CHCHD6: variants seen among roughly 807,000 people sequenced by gnomAD.
CHCHD6 encodes coiled-coil-helix-coiled-coil-helix domain containing 6, also known as MICOS complex subunit MIC25.
Under a neutral mutation model 32.3 loss-of-function variants are expected in CHCHD6, and 28 were observed. That is an observed-to-expected ratio of 0.87 (90% CI 0.64 to 1.19). CHCHD6 has a LOEUF of 1.19. CHCHD6 is among the 50% of genes most tolerant of loss of function. The pLI is 0.00. For synonymous variants in CHCHD6, 122 were observed against 117.5 expected (o/e 1.04, Z -0.25); for missense variants, 333 against 307.0 (o/e 1.08, Z -0.63).
chr3:126,881,184 C>T (rs1259247868), intron 5 of CHCHD6, among the ~76,000 whole-genome samples: 6 of 152,244 alleles, frequency 3.9e-5, no homozygotes, highest in Non-Finnish European at 5.9e-5. Flanking sequence ...CAACTGTCCT[C>T]GTAGGCCTCC....
chr3:126,915,582 T>A (rs985335802), intron 6 of CHCHD6, among the ~76,000 whole-genome samples: 1 of 152,182 alleles, frequency 6.6e-6, no homozygotes, highest in African/African-American at 2.4e-5. Context: ...CAAGAGTGAA[T>A]TGGGACAATT....
intron 4 of CHCHD6, among the ~76,000 whole-genome samples, chr3:126,833,164 C>G (rs996941833): frequency 3.3e-5 from 5 of 152,224 alleles, no homozygotes; most frequent in East Asian, 3.9e-4. Flanking sequence ...CATGCTCATA[C>G]ATATGTCTCT....
At chr3:126,818,986 A>C (rs1024317365) in intron 4 of CHCHD6, among the ~76,000 whole-genome samples, 1 of 152,196 alleles carries the variant, frequency 6.6e-6, no homozygotes, top group African/African-American at 2.4e-5. Flanking sequence ...GTCAGCTTGA[A>C]GCTGCCAGAA....
intron 4 of CHCHD6, among the ~76,000 whole-genome samples, chr3:126,781,795 T>G (rs1576408742): frequency 6.6e-6 from 1 of 152,360 alleles, no homozygotes; most frequent in East Asian, 1.9e-4. Context: ...CTCTCTCAAC[T>G]TCATTTTCCC....
At chr3:126,815,554 A>T (rs1396679837) in intron 4 of CHCHD6, among the ~76,000 whole-genome samples, 1 of 151,098 alleles carries the variant, frequency 6.6e-6, no homozygotes, top group African/African-American at 2.4e-5. Flanking sequence ...TATTCTCTCA[A>T]CCTTGCGTTT....
chr3:126,767,270 C>G, intron 4 of CHCHD6: 1 of 1,330,188 alleles, frequency 7.5e-7, no homozygotes, highest in South Asian at 1.2e-5. Context: ...TGTCAGGTTG[C>G]CAAGGCCCAG....
Position 126,764,681 on chromosome 3 carries a change from T to C in CHCHD6, c.411+31459T>C, listed in dbSNP as rs73201774. Among the ~76,000 whole-genome samples the C allele has an allele frequency of 8.2e-3, 1,242 of 152,210 alleles. 10 individuals carry two copies. The highest frequency in any genetic ancestry group is 0.017 in the Middle Eastern group (5 of 292). ...GGTGCTGCGTCCTCAACCCTCTGGGTGACCACAACTCAAAGGAGAGACGTC... is the reference window on the plus strand; with the variant it reads ...GGTGCTGCGTCCTCAACCCTCTGGGCGACCACAACTCAAAGGAGAGACGTC... On this transcript the variant is annotated intron_variant, in intron 4 of 7. Transcript: ENST00000290913.
At chr3:126,937,127 C>T (rs991772565) in intron 6 of CHCHD6, among the ~76,000 whole-genome samples, 1 of 152,216 alleles carries the variant, frequency 6.6e-6, no homozygotes. Context: ...ACAAGGAAGC[C>T]ATAAGTGAAA....
chr3:126,799,447 G>T (rs1380184649), intron 4 of CHCHD6, among the ~76,000 whole-genome samples: 4 of 152,184 alleles, frequency 2.6e-5, no homozygotes, highest in Admixed American at 2.6e-4. Context: ...TAGTGGTCTA[G>T]TCATTTATTT....
chr3:126,899,351 A>G (rs2077887705), intron 5 of CHCHD6, among the ~76,000 whole-genome samples: 2 of 152,242 alleles, frequency 1.3e-5, no homozygotes, highest in African/African-American at 4.8e-5. Context: ...CAAATTTTCC[A>G]AAGCTTGAAT....
At chr3:126,855,885 G>A (rs144632414) in intron 5 of CHCHD6, among the ~76,000 whole-genome samples, 1 of 152,334 alleles carries the variant, frequency 6.6e-6, no homozygotes, top group African/African-American at 2.4e-5. Context: ...TCCAGTGGCA[G>A]TGGGATGGAC....
At chr3:126,788,901 T>C (rs1938374594) in intron 4 of CHCHD6, among the ~76,000 whole-genome samples, 1 of 152,192 alleles carries the variant, frequency 6.6e-6, no homozygotes, top group Non-Finnish European at 1.5e-5. Flanking sequence ...CTAGTTCTTT[T>C]AATTGTGATG....
chr3:126,960,362 T>A lies in CHCHD6; in HGVS notation c.*161T>A. The A allele has an allele frequency of 1.3e-6, 1 of 771,806 alleles. No individual in the cohort carries two copies. The highest frequency in any genetic ancestry group is 2.1e-6 in the Non-Finnish European group (1 of 467,148). The allele number at this position is 771,806 out of a possible 1,614,324, so 47.8% of individuals were successfully genotyped here. A position where few individuals can be genotyped will look rare whatever the true frequency, so the allele number is the denominator to read the frequency against. ...GTTTAGGAAACAAAGTATGCGCTAC[T>A]GTCTGAAAACAAATAAAGCAGATGC... On this transcript the variant is annotated 3_prime_UTR_variant, in exon 8 of 8. Transcript: ENST00000290913.
rs543072020 is a variant in CHCHD6 at position 126,835,340 on chromosome 3, G to A, written c.412-17307G>A. On this transcript the variant is annotated intron_variant, in intron 4 of 7. Transcript: ENST00000290913. ...CTGCCTGACGTCGTTACGGGCTGAG[G>A]GTGTGACAGTGGCCAGGCAGCTTGT... 1.1e-4 allele frequency among the ~76,000 whole-genome samples: 17 copies of A among 152,308 alleles called. No individual in the cohort carries two copies. The South Asian group carries it at 3.3e-3, about 30-fold the overall frequency.
intron 4 of CHCHD6, among the ~76,000 whole-genome samples, chr3:126,807,053 T>TGGGGGGA (rs1356502336): frequency 2.0e-5 from 1 of 50,378 alleles, no homozygotes; most frequent in African/African-American, 8.2e-5. Context: ...TGCTGTGGGG[T>TGGGGGGA]GGGGGGAGGG....
chr3:126,802,056 G>A (rs984502021), intron 4 of CHCHD6, among the ~76,000 whole-genome samples: 1 of 151,984 alleles, frequency 6.6e-6, no homozygotes, highest in Non-Finnish European at 1.5e-5. Context: ...CACCAAAAAC[G>A]CATCTGTACA....
intron 1 of CHCHD6, among the ~76,000 whole-genome samples, chr3:126,708,751 C>T (rs1934621088): frequency 6.6e-6 from 1 of 151,526 alleles, no homozygotes; most frequent in African/African-American, 2.4e-5. Context: ...CAGAATTGGA[C>T]AACTGTCACC....
At chr3:126,919,320 T>TC in intron 6 of CHCHD6, among the ~76,000 whole-genome samples, 1 of 147,674 alleles carries the variant, frequency 6.8e-6, no homozygotes, top group East Asian at 1.9e-4. Flanking sequence ...CTTTTTTCTT[T>TC]TTTTTTTTTT....
chr3:126,756,619 C>G (rs923451480), intron 4 of CHCHD6, among the ~76,000 whole-genome samples: 1 of 152,224 alleles, frequency 6.6e-6, no homozygotes, highest in Admixed American at 6.5e-5. Context: ...ATTATAAACA[C>G]TCTGTGGCCG....
Sources: allele counts gnomAD v4.1 joint callset (sites outside exome capture counted in the v4.1 genomes callset), GRCh38; gene constraint gnomAD v4.1.1; transcripts MANE v1.5; gene names NCBI Gene and HGNC (gene_info 2026-07-23, HGNC 2026-07-21).